The following SGTA variants were observed in gnomAD, a reference collection of about 807,000 sequenced individuals.
The protein encoded by SGTA is small glutamine-rich tetratricopeptide repeat-containing protein alpha.
A neutral mutation model predicts 44.3 loss-of-function variants in SGTA; 22 were observed. The ratio of observed to expected loss-of-function variants is 0.50; its 90% CI spans 0.36 to 0.71. The LOEUF (loss-of-function observed/expected upper bound fraction) is 0.71, where lower values mean the gene tolerates loss of function less well. Among genes scored for constraint, SGTA ranks in the 30% least tolerant of loss-of-function variants. The probability of loss-of-function intolerance (pLI) is 0.00; values close to 1 mark genes in which losing one functional copy is unlikely to be tolerated. For synonymous variants in SGTA, 174 were observed against 177.6 expected (o/e 0.98, Z 0.16); for missense variants, 341 against 435.9 (o/e 0.78, Z 1.94).
rs1914917050 is a variant in SGTA, at chr19:2,759,268, C to A, written c.726G>T (p.Gln242His). 6.2e-7 allele frequency: 1 copy of A among 1,614,008 alleles called. No homozygotes were observed. The highest frequency in any genetic ancestry group is 1.7e-5 in the Admixed American group (1 of 60,008). ...CGGTTGTCACTTACAGCTGCTGAAT[C>A]TGGGGATTGTTCATTAGGTTCGAAG... ...SMASNLMNNP[Q>H]IQQLMSGMIS... Residue 242 changes from glutamine (Q) to histidine (H), a missense_variant, in exon 9 of 12, where the codon CAG becomes CAT. Physicochemically the swap from Gln to His is conservative, Grantham distance 24. Coordinates refer to ENST00000221566, the MANE Select transcript of SGTA (RefSeq NM_003021.4).
At position 2,779,180 on chromosome 19, in the gene SGTA, C is replaced by T. The variant is rs535906369; in HGVS notation, c.-24+4053G>A. On this transcript the variant is annotated intron_variant, in intron 1 of 11. Coordinates refer to ENST00000221566, the MANE Select transcript of SGTA (RefSeq NM_003021.4). ...AAGGCTGGAAGTCAGTACAGGTCAG[C>T]TTTTTCTGTCCAAAATGACTTTGCT... is the stretch of plus-strand genomic sequence containing the variant. 3.9e-5 allele frequency among the ~76,000 whole-genome samples: 6 copies of T among 152,300 alleles called. No homozygotes were observed. The South Asian group carries it at 1.2e-3, about 32-fold the overall frequency.
chr19:2,769,759 C>T (rs1599503569), intron 1 of SGTA, among the ~76,000 whole-genome samples: 1 of 149,716 alleles, frequency 6.7e-6, no homozygotes, highest in East Asian at 2.0e-4. Context: ...CTAGTTCCCC[C>T]TCGGACACCC....
In SGTA at chr19:2,757,337, G is replaced by A. The variant is rs774730295; in HGVS notation, c.*6C>T. The A allele has an allele frequency of 1.7e-5, 27 of 1,600,520 alleles. No individual in the cohort carries two copies. The East Asian group carries it at 1.8e-4, about 11-fold the overall frequency. On this transcript the variant is annotated splice_region_variant and 3_prime_UTR_variant, in exon 11 of 12. Coordinates refer to ENST00000221566, the MANE Select transcript of SGTA (RefSeq NM_003021.4). Reference sequence around the variant, plus strand: ...CCAGCCCCCGGCCCCATGCACTCACGCAGCGTCACTCCTGCTGGTCGTCGT... The same window carrying A: ...CCAGCCCCCGGCCCCATGCACTCACACAGCGTCACTCCTGCTGGTCGTCGT...
chr19:2,777,234 A>C (rs568068483), intron 1 of SGTA, among the ~76,000 whole-genome samples: 3 of 149,212 alleles, frequency 2.0e-5, no homozygotes, highest in Non-Finnish European at 4.5e-5. Context: ...CTGGGCAATA[A>C]GAGCAAAACT....
intron 5 of SGTA, among the ~76,000 whole-genome samples, chr19:2,764,254 G>A (rs777341146): frequency 9.9e-5 from 15 of 152,190 alleles, no homozygotes; most frequent in Non-Finnish European, 1.6e-4. Flanking sequence ...CAGGAACCCT[G>A]CACTGCCTCT....
rs1915118700 is a variant in SGTA at position 2,765,686 on chromosome 19, A to G, written c.293-401T>C. Among the ~76,000 whole-genome samples, 1 of 152,016 alleles carries G rather than the reference A, an allele frequency of 6.6e-6. No homozygotes were observed. Among genetic ancestry groups the G allele is most frequent in the South Asian group, 2.1e-4 (1 of 4,816 alleles). On this transcript the variant is annotated intron_variant, in intron 4 of 11. Transcript: ENST00000221566. This position sits in a 1 kb window ranked among gnomAD's most constrained non-coding sequence, Gnocchi z 5.5. ...CAAGTGGAGGCCTGTATTTTGGAATACTCATGTGATACCTTCTCATTTCAT... is the reference window on the plus strand; with the variant it reads ...CAAGTGGAGGCCTGTATTTTGGAATGCTCATGTGATACCTTCTCATTTCAT...
Position 2,755,282 on chromosome 19 carries a change from G to T in SGTA, c.*658C>A. 5.1e-6 allele frequency: 2 copies of T among 390,082 alleles called. No individual in the cohort carries two copies. The highest frequency in any genetic ancestry group is 3.5e-6 in the Non-Finnish European group (1 of 283,980). 24.2% of individuals were successfully genotyped at this position (390,082 alleles called of 1,614,324 possible). A position where few individuals can be genotyped will look rare whatever the true frequency, so the allele number is the denominator to read the frequency against. On this transcript the variant is annotated 3_prime_UTR_variant, in exon 12 of 12. Coordinates refer to ENST00000221566, the MANE Select transcript of SGTA (RefSeq NM_003021.4). The surrounding 1 kb of genome is among the most constrained non-coding windows in gnomAD (Gnocchi z 5.2). ...GGAGGGGAAACATGTCTGTCAACATGCCCAACTGGAGAAAAGTCACAGAAA... is the reference window on the plus strand; with the variant it reads ...GGAGGGGAAACATGTCTGTCAACATTCCCAACTGGAGAAAAGTCACAGAAA...
At position 2,763,546 on chromosome 19, in the gene SGTA, G is replaced by T; in HGVS notation, c.497+107C>A. 1.4e-6 allele frequency: 1 copy of T among 727,234 alleles called. No individual in the cohort carries two copies. The highest frequency in any genetic ancestry group is 2.3e-6 in the Non-Finnish European group (1 of 437,466). 45.0% of individuals were successfully genotyped at this position (727,234 alleles called of 1,614,324 possible). ...GTCAGAGTTGAACTGAACCGGGGTGGGAGAATTCGTTGTGGGTGGGAAAAA... is the reference window on the plus strand; with the variant it reads ...GTCAGAGTTGAACTGAACCGGGGTGTGAGAATTCGTTGTGGGTGGGAAAAA... On this transcript the variant is annotated intron_variant, in intron 6 of 11. Coordinates refer to ENST00000221566, the MANE Select transcript of SGTA (RefSeq NM_003021.4). This position sits in a 1 kb window ranked among gnomAD's most constrained non-coding sequence, Gnocchi z 5.8.
At chr19:2,768,265 T>C (rs918759590) in intron 2 of SGTA, among the ~76,000 whole-genome samples, 11 of 151,806 alleles carry the variant, frequency 7.2e-5, no homozygotes, top group African/African-American at 2.7e-4. Flanking sequence ...CCTCCTCGTG[T>C]GGACCCAGGG....
At chr19:2,782,865 C>A (rs1915603000) in intron 1 of SGTA, among the ~76,000 whole-genome samples, 1 of 152,204 alleles carries the variant, frequency 6.6e-6, no homozygotes, top group African/African-American at 2.4e-5. Flanking sequence ...CGACTTCAGT[C>A]CCCACAAACG....
intron 1 of SGTA, among the ~76,000 whole-genome samples, chr19:2,781,151 T>C (rs1426715425): frequency 6.6e-6 from 1 of 152,060 alleles, no homozygotes; most frequent in African/African-American, 2.4e-5. Context: ...GGTCTTGGCA[T>C]AAAAAAGAAA....
chr19:2,765,247 C>G lies in SGTA; in HGVS notation c.331G>C (p.Val111Leu). The change falls in exon 5 of 12, where the codon GTG (valine) becomes CTG (leucine). Residue 111 changes from valine to leucine, a missense_variant. Val to Leu is a conservative substitution (Grantham distance 32, BLOSUM62 1). Coordinates refer to ENST00000221566, the MANE Select transcript of SGTA (RefSeq NM_003021.4). This position sits in a 1 kb window ranked among gnomAD's most constrained non-coding sequence, Gnocchi z 5.5. The part of the protein sequence containing the change: ...QMKVENFEAA[V>L]HFYGKAIELN... ...TCGATGGCTTTTCCGTAGAAATGCA[C>G]GGCAGCTTCAAAGTTTTCCACTTTC... 6.2e-7 allele frequency: 1 copy of G among 1,613,752 alleles called. No homozygotes were observed. Among genetic ancestry groups the G allele is most frequent in the Non-Finnish European group, 8.5e-7 (1 of 1,179,952 alleles).
At position 2,763,796 on chromosome 19, in the gene SGTA, C is replaced by A. The variant is rs1915068580; in HGVS notation, c.393-39G>T. 1.3e-6 allele frequency: 2 copies of A among 1,567,892 alleles called. No individual in the cohort carries two copies. Among genetic ancestry groups the A allele is most frequent in the South Asian group, 2.3e-5 (2 of 88,594 alleles). On this transcript the variant is annotated intron_variant, in intron 5 of 11. Coordinates refer to ENST00000221566, the MANE Select transcript of SGTA (RefSeq NM_003021.4). This position sits in a 1 kb window ranked among gnomAD's most constrained non-coding sequence, Gnocchi z 5.8. ...GGCAGGGCAGGTCCCTCACTGGCGG[C>A]TCTGAGCCCAGCGGGCAGCCCTTGA... is the stretch of plus-strand genomic sequence containing the variant.
intron 9 of SGTA, 109 bp downstream of exon 9, chr19:2,759,148 C>T (rs1914912753): frequency 1.0e-6 from 1 of 960,892 alleles, no homozygotes; most frequent in Non-Finnish European, 1.7e-6. Context: ...GTCCTTAATG[C>T]CATTAAGTTG....
At position 2,755,411 on chromosome 19, in the gene SGTA, A is replaced by G; in HGVS notation, c.*529T>C. 1.0e-6 allele frequency: 1 copy of G among 987,668 alleles called. No homozygotes were observed. The highest frequency in any genetic ancestry group is 1.2e-6 in the Non-Finnish European group (1 of 830,150). 61.2% of individuals were successfully genotyped at this position (987,668 alleles called of 1,614,324 possible). A position where few individuals can be genotyped will look rare whatever the true frequency, so the allele number is the denominator to read the frequency against. Reference sequence around the variant, plus strand: ...TAAAGAGTTCCTCATGCAAACACACATGGCCCGCGGTGCCCAGGCCGCAGC... The same window carrying G: ...TAAAGAGTTCCTCATGCAAACACACGTGGCCCGCGGTGCCCAGGCCGCAGC... On this transcript the variant is annotated 3_prime_UTR_variant, in exon 12 of 12. Coordinates refer to ENST00000221566, the MANE Select transcript of SGTA (RefSeq NM_003021.4). This position sits in a 1 kb window ranked among gnomAD's most constrained non-coding sequence, Gnocchi z 5.2.
At position 2,767,298 on chromosome 19, in the gene SGTA, G is replaced by A. The variant is rs952971228; in HGVS notation, c.208-78C>T. On this transcript the variant is annotated intron_variant, in intron 3 of 11. Coordinates refer to ENST00000221566, the MANE Select transcript of SGTA (RefSeq NM_003021.4). The surrounding 1 kb of genome is among the most constrained non-coding windows in gnomAD (Gnocchi z 7.3). ...CTCCGGCCTTAGCTTCCCTCGGGACGCCAGAGAGGGCCACCAAGTTCCGAA... is the reference window on the plus strand; with the variant it reads ...CTCCGGCCTTAGCTTCCCTCGGGACACCAGAGAGGGCCACCAAGTTCCGAA... The A allele has an allele frequency of 6.3e-6, 7 of 1,119,224 alleles. No homozygotes were observed. The highest frequency in any genetic ancestry group is 5.1e-5 in the East Asian group (2 of 38,884). 69.3% of individuals were successfully genotyped at this position (1,119,224 alleles called of 1,614,324 possible). A position where few individuals can be genotyped will look rare whatever the true frequency, so the allele number is the denominator to read the frequency against.
chr19:2,755,965 G>A lies in SGTA; in HGVS notation c.*7-32C>T, dbSNP rs748275923. 98 of 983,998 alleles carry A rather than the reference G, an allele frequency of 1.0e-4. No homozygotes were observed. Among genetic ancestry groups the A allele is most frequent in the Admixed American group, 5.5e-4 (9 of 16,260 alleles). 61.0% of individuals were successfully genotyped at this position (983,998 alleles called of 1,614,324 possible). On this transcript the variant is annotated intron_variant, in intron 11 of 11. Transcript: ENST00000221566. This position sits in a 1 kb window ranked among gnomAD's most constrained non-coding sequence, Gnocchi z 5.2. ...GGGGACAGACATGAAGGCTGTCAGA[G>A]CGCAGGTGGGGACCAAGGCTGCACC...
intron 1 of SGTA, among the ~76,000 whole-genome samples, chr19:2,776,522 T>G (rs1328550452): frequency 6.6e-6 from 1 of 151,992 alleles, no homozygotes; most frequent in Admixed American, 6.6e-5. Context: ...AAAAGTGGAA[T>G]TGGGGGTGCC....
intron 11 of SGTA, 125 bp downstream of exon 11, chr19:2,757,212 T>C (rs1914843857): frequency 8.3e-7 from 1 of 1,210,826 alleles, no homozygotes; most frequent in Non-Finnish European, 1.1e-6. Flanking sequence ...CAGGACTCGC[T>C]GTCCAGTGTC....
Sources: allele counts gnomAD v4.1 joint callset (sites outside exome capture counted in the v4.1 genomes callset), GRCh38; gene constraint gnomAD v4.1.1; non-coding constraint Gnocchi (gnomAD v3.1); transcripts MANE v1.5; gene names NCBI Gene and HGNC (gene_info 2026-07-23, HGNC 2026-07-21).